SLC35F4: variants seen among roughly 807,000 people sequenced by gnomAD.
The protein encoded by SLC35F4 is chromosome 14 open reading frame 36.
SLC35F4 carries 24 observed loss-of-function variants against 44.2 expected under a neutral mutation model. The observed-to-expected ratio is 0.54, with a 90% CI of 0.39 to 0.76. The LOEUF is 0.76. SLC35F4 is among the 30% of genes least tolerant of loss of function. The probability of loss-of-function intolerance (pLI) is 0.00; values close to 1 mark genes in which losing one functional copy is unlikely to be tolerated. For missense variants in SLC35F4, 562 were observed against 586.1 expected (o/e 0.96, Z 0.42); for synonymous variants, 238 against 223.6 (o/e 1.06, Z -0.57).
chr14:57,936,174 A>G (rs1889791811), intron 1 of SLC35F4, among the ~76,000 whole-genome samples: 1 of 152,226 alleles, frequency 6.6e-6, no homozygotes, highest in African/African-American at 2.4e-5. Flanking sequence ...TCACATGCAA[A>G]AAGATGGACC....
intron 1 of SLC35F4, among the ~76,000 whole-genome samples, chr14:57,951,963 G>A (rs927908310): frequency 8.5e-5 from 13 of 152,188 alleles, no homozygotes; most frequent in African/African-American, 2.9e-4. Flanking sequence ...CCTCAAGTGT[G>A]TCCCTGATCC....
intron 1 of SLC35F4, among the ~76,000 whole-genome samples, chr14:57,788,924 C>G (rs989264843): frequency 6.6e-6 from 1 of 151,974 alleles, no homozygotes; most frequent in East Asian, 1.9e-4. Context: ...GGGTACATAA[C>G]GAAATGAAGG....
At chr14:57,710,540 A>G (rs1052403283) in intron 1 of SLC35F4, among the ~76,000 whole-genome samples, 1 of 152,130 alleles carries the variant, frequency 6.6e-6, no homozygotes, top group Admixed American at 6.5e-5. Flanking sequence ...AACTTGCACC[A>G]TGCACCTGGA....
At chr14:57,729,802 T>C (rs1013756810) in intron 1 of SLC35F4, among the ~76,000 whole-genome samples, 1 of 152,198 alleles carries the variant, frequency 6.6e-6, no homozygotes, top group African/African-American at 2.4e-5. Context: ...TCCTGTGTCC[T>C]AGACAGCCTT....
chr14:57,584,363 T>C (rs1429220550), intron 3 of SLC35F4, among the ~76,000 whole-genome samples: 11 of 152,196 alleles, frequency 7.2e-5, no homozygotes, highest in African/African-American at 2.4e-4. Context: ...ATTCTGGTGC[T>C]ATGGGACAAA....
At chr14:57,675,126 G>A (rs60659370) in intron 1 of SLC35F4, among the ~76,000 whole-genome samples, 3 of 152,068 alleles carry the variant, frequency 2.0e-5, no homozygotes, top group African/African-American at 7.2e-5. Context: ...CTTTCCTCTG[G>A]TGGTGGTTAG....
chr14:57,776,280 A>G (rs1474093754), intron 1 of SLC35F4, among the ~76,000 whole-genome samples: 2 of 152,166 alleles, frequency 1.3e-5, no homozygotes, highest in Non-Finnish European at 2.9e-5. Context: ...CAACATTCCA[A>G]TTCAGGAAAT....
At chr14:57,590,453 C>T (rs2070103448) in intron 2 of SLC35F4, among the ~76,000 whole-genome samples, 1 of 152,060 alleles carries the variant, frequency 6.6e-6, no homozygotes, top group South Asian at 2.1e-4. Flanking sequence ...AGAGCAAGTC[C>T]TGACTACACA....
intron 1 of SLC35F4, among the ~76,000 whole-genome samples, chr14:57,751,068 A>G (rs1260301291): frequency 6.6e-6 from 1 of 152,192 alleles, no homozygotes; most frequent in Non-Finnish European, 1.5e-5. Flanking sequence ...CTGAAAACCA[A>G]TGTGTCAAAC....
chr14:57,843,062 A>G (rs1215249051), intron 1 of SLC35F4, among the ~76,000 whole-genome samples: 1 of 152,156 alleles, frequency 6.6e-6, no homozygotes, highest in Admixed American at 6.5e-5. Context: ...GCCAGGGGCT[A>G]TCGAACCTTT....
chr14:57,934,103 A>G (rs1178501397), intron 1 of SLC35F4, among the ~76,000 whole-genome samples: 3 of 152,152 alleles, frequency 2.0e-5, no homozygotes, highest in African/African-American at 7.2e-5. Context: ...AAAGCAAAAT[A>G]TAAGGAGAGA....
chr14:57,705,933 A>T (rs555528851), intron 1 of SLC35F4, among the ~76,000 whole-genome samples: 1 of 152,166 alleles, frequency 6.6e-6, no homozygotes, highest in Admixed American at 6.5e-5. Context: ...AAACAGAAAG[A>T]ACAATGTGTT....
chr14:57,571,821 G>A (rs538617602), intron 5 of SLC35F4, 73 bp downstream of exon 5: 42 of 1,514,390 alleles, frequency 2.8e-5, no homozygotes, highest in East Asian at 1.4e-4. Context: ...TGATTACATC[G>A]TACTTTCTTA....
chr14:57,778,533 A>C (rs922489134), intron 1 of SLC35F4, among the ~76,000 whole-genome samples: 8 of 152,110 alleles, frequency 5.3e-5, no homozygotes, highest in African/African-American at 1.7e-4. Flanking sequence ...AAAACACTGG[A>C]AGACTTCAAT....
At chr14:57,833,756 T>C (rs528939040) in intron 1 of SLC35F4, among the ~76,000 whole-genome samples, 2 of 152,314 alleles carry the variant, frequency 1.3e-5, no homozygotes, top group South Asian at 4.1e-4. Context: ...CTCATTAGGG[T>C]AGCTGTTGGC....
chr14:57,715,198 A>G (rs1474627626), intron 1 of SLC35F4, among the ~76,000 whole-genome samples: 1 of 152,172 alleles, frequency 6.6e-6, no homozygotes, highest in East Asian at 1.9e-4. Context: ...GCGCAGTTCC[A>G]GGTTGGCAAT....
At chr14:57,799,881 G>T (rs73302984) in intron 1 of SLC35F4, among the ~76,000 whole-genome samples, 1 of 152,306 alleles carries the variant, frequency 6.6e-6, no homozygotes, top group Non-Finnish European at 1.5e-5. Flanking sequence ...AGCTCTGAGG[G>T]GGAGGTGCAG....
upstream of SLC35F4, among the ~76,000 whole-genome samples, chr14:57,867,706 AT>A (rs1292634114): frequency 6.6e-6 from 1 of 152,046 alleles, no homozygotes; most frequent in African/African-American, 2.4e-5. Flanking sequence ...AAATGTGTTC[AT>A]CACATATAAT....
At chr14:57,671,530 T>C (rs552933067) in intron 1 of SLC35F4, among the ~76,000 whole-genome samples, 1 of 151,838 alleles carries the variant, frequency 6.6e-6, no homozygotes, top group African/African-American at 2.4e-5. Flanking sequence ...CCTGGCAGCA[T>C]TTATTATCTG....
Sources: allele counts gnomAD v4.1 joint callset (sites outside exome capture counted in the v4.1 genomes callset), GRCh38; gene constraint gnomAD v4.1.1; transcripts MANE v1.5; gene names NCBI Gene and HGNC (gene_info 2026-07-23, HGNC 2026-07-21).